ZNHIT6: variants seen among roughly 807,000 people sequenced by gnomAD.
ZNHIT6 encodes zinc finger HIT-type containing 6.
In ZNHIT6, 45 loss-of-function variants were observed where a neutral mutation model predicts 57.2. The observed-to-expected ratio is 0.79, with a 90% CI of 0.62 to 1.01. The LOEUF (loss-of-function observed/expected upper bound fraction) is 1.01, where lower values mean the gene tolerates loss of function less well. ZNHIT6 is among the 50% of genes least tolerant of loss of function. The pLI is 0.00. For missense variants in ZNHIT6, 528 were observed against 567.3 expected, an observed-to-expected ratio of 0.93 and a Z score of 0.70; for synonymous variants, 188 against 190.0, an observed-to-expected ratio of 0.99 and a Z score of 0.09.
intron 8 of ZNHIT6, 142 bp from the exon 9 acceptor site, chr1:85,658,113 AGTTTAATAC>A (rs1260510779): frequency 2.0e-6 from 1 of 508,406 alleles, no homozygotes; most frequent in Non-Finnish European, 3.3e-6. Context: ...TAGCATAGTA[AGTTTAATAC>A]CTTCTAAGAA....
chr1:85,678,861 T>A, intron 6 of ZNHIT6, 80 bp from the exon 7 acceptor site: 1 of 769,942 alleles, frequency 1.3e-6, no homozygotes, highest in Non-Finnish European at 2.0e-6. Flanking sequence ...AATTATTAAA[T>A]ATTGTGGCTT....
chr1:85,661,244 C>T (rs1032315581), intron 8 of ZNHIT6, among the ~76,000 whole-genome samples: 9 of 152,182 alleles, frequency 5.9e-5, no homozygotes, highest in East Asian at 1.9e-4. Context: ...TGGAGTTTAA[C>T]GCTGAGTTAA....
At position 85,707,961 on chromosome 1, in the gene ZNHIT6, C is replaced by T. The variant is rs1248057952; in HGVS notation, c.324G>A (p.Lys108=). Residue 108 remains lysine, a synonymous_variant, in exon 1 of 10, where the codon AAG becomes AAA. Coordinates refer to ENST00000370574, the MANE Select transcript of ZNHIT6 (RefSeq NM_017953.4). ...EQEVEDRPEV[K]DENAGVLEVK... is the part of the protein sequence containing the mutation. ...CCTCCAATACGCCTGCGTTCTCATCCTTCACCTCAGGCCTATCCTCCACCT... is the reference window on the plus strand; with the variant it reads ...CCTCCAATACGCCTGCGTTCTCATCTTTCACCTCAGGCCTATCCTCCACCT... 6.2e-7 allele frequency: 1 copy of T among 1,614,042 alleles called. No homozygotes were observed. Among genetic ancestry groups the T allele is most frequent in the Admixed American group, 1.7e-5 (1 of 59,998 alleles).
chr1:85,703,980 G>A (rs1440370240), intron 4 of ZNHIT6, among the ~76,000 whole-genome samples: 1 of 152,122 alleles, frequency 6.6e-6, no homozygotes, highest in East Asian at 1.9e-4. Flanking sequence ...AACAGGCACT[G>A]CATAAAAGAG....
intron 5 of ZNHIT6, among the ~76,000 whole-genome samples, chr1:85,701,523 T>A (rs1389884614): frequency 6.6e-6 from 1 of 152,240 alleles, no homozygotes; most frequent in Admixed American, 6.5e-5. Context: ...AGCAAACTAA[T>A]CTCTGTTATA....
chr1:85,660,298 T>C (rs969378747), intron 8 of ZNHIT6, among the ~76,000 whole-genome samples: 2 of 152,200 alleles, frequency 1.3e-5, no homozygotes, highest in East Asian at 1.9e-4. Flanking sequence ...CAATAACTTA[T>C]CTTCTGTGCA....
Position 85,708,293 on chromosome 1 carries a change from G to A in ZNHIT6, c.-9C>T, listed in dbSNP as rs1298326777. 2.5e-6 allele frequency: 4 copies of A among 1,588,420 alleles called. No homozygotes were observed. The South Asian group carries it at 3.4e-5, about 13-fold the overall frequency. ...TCAGCAGCAAACTCCATCAACTCAC[G>A]ATCCTTGGCCTCTGCTGCCACTCTA... On this transcript the variant is annotated 5_prime_UTR_variant, in exon 1 of 10. Transcript: ENST00000370574.
chr1:85,657,124 C>T (rs1468633410), intron 9 of ZNHIT6, among the ~76,000 whole-genome samples: 1 of 152,098 alleles, frequency 6.6e-6, no homozygotes, highest in African/African-American at 2.4e-5. Flanking sequence ...CTAAATTTTA[C>T]TCATCCTCTA....
At chr1:85,692,599 A>C (rs1662250838) in intron 5 of ZNHIT6, among the ~76,000 whole-genome samples, 1 of 151,936 alleles carries the variant, frequency 6.6e-6, no homozygotes, top group South Asian at 2.1e-4. Context: ...AGCAAAATCC[A>C]CTTGTCTCCT....
intron 5 of ZNHIT6, among the ~76,000 whole-genome samples, chr1:85,691,174 G>A (rs1662208129): frequency 6.6e-6 from 1 of 152,182 alleles, no homozygotes; most frequent in African/African-American, 2.4e-5. Flanking sequence ...TAAGGCAATA[G>A]GCACAGGGAA....
At chr1:85,702,430 A>T (rs1236118618) in intron 4 of ZNHIT6, among the ~76,000 whole-genome samples, 170 bp from the exon 5 acceptor site, 2 of 152,336 alleles carry the variant, frequency 1.3e-5, no homozygotes, top group East Asian at 3.9e-4. Context: ...AATAGGTACT[A>T]TCATCTCCAT....
chr1:85,664,440 C>T (rs1050836689), intron 8 of ZNHIT6, among the ~76,000 whole-genome samples: 6 of 152,166 alleles, frequency 3.9e-5, no homozygotes, highest in Non-Finnish European at 8.8e-5. Flanking sequence ...TCTGTCAGCT[C>T]CTGTACTGTT....
At chr1:85,680,420 A>C (rs1661841915) in intron 6 of ZNHIT6, among the ~76,000 whole-genome samples, 1 of 152,166 alleles carries the variant, frequency 6.6e-6, no homozygotes, top group African/African-American at 2.4e-5. Flanking sequence ...CCAGCTGAAG[A>C]AATAGGAAAC....
At chr1:85,698,485 AT>A (rs1233946144) in intron 5 of ZNHIT6, among the ~76,000 whole-genome samples, 1 of 152,216 alleles carries the variant, frequency 6.6e-6, no homozygotes, top group African/African-American at 2.4e-5. Flanking sequence ...TTTAAAAAAA[AT>A]AAATGTAGAC....
intron 6 of ZNHIT6, among the ~76,000 whole-genome samples, chr1:85,680,068 T>A (rs1661827213): frequency 6.6e-6 from 1 of 151,914 alleles, no homozygotes; most frequent in South Asian, 2.1e-4. Context: ...TAGCTGGGCG[T>A]GATGGCCTGA....
chr1:85,684,373 T>C (rs753367688), intron 5 of ZNHIT6, among the ~76,000 whole-genome samples: 21 of 152,152 alleles, frequency 1.4e-4, no homozygotes, highest in Admixed American at 2.6e-4. Flanking sequence ...AATACACACA[T>C]GCATTCTCAA....
At chr1:85,669,693 G>A (rs1661497092) in intron 8 of ZNHIT6, among the ~76,000 whole-genome samples, 2 of 152,204 alleles carry the variant, frequency 1.3e-5, no homozygotes, top group Admixed American at 6.5e-5. Flanking sequence ...GAAGCAAAGT[G>A]AAGGCAATGG....
At chr1:85,661,978 T>C (rs1053647943) in intron 8 of ZNHIT6, among the ~76,000 whole-genome samples, 2 of 152,044 alleles carry the variant, frequency 1.3e-5, no homozygotes, top group African/African-American at 4.8e-5. Context: ...CATGGGCGCA[T>C]TATGAGGGCA....
intron 8 of ZNHIT6, among the ~76,000 whole-genome samples, chr1:85,665,808 C>T (rs924744059): frequency 2.0e-5 from 3 of 152,118 alleles, no homozygotes; most frequent in Admixed American, 6.6e-5. Context: ...TTAGGTTCCT[C>T]AGAGAAACTT....
Sources: gnomAD v4.1 joint callset for allele counts (sites outside exome capture counted in the v4.1 genomes callset) on GRCh38, gnomAD v4.1.1 for gene constraint, MANE v1.5 for transcripts, NCBI Gene and HGNC (gene_info 2026-07-23, HGNC 2026-07-21) for gene names.